Variants in EVI5 observed in about 807,000 individuals in gnomAD.
The protein encoded by EVI5 is ecotropic viral integration site 5, also known as ecotropic viral integration site 5 protein homolog.
In EVI5, 73 loss-of-function variants were observed where a neutral mutation model predicts 112.0. The ratio of observed to expected loss-of-function variants is 0.65; its 90% CI spans 0.54 to 0.79. The LOEUF is 0.79. Ranked by LOEUF, EVI5 falls within the 30% of genes least tolerant of loss-of-function variation. The pLI, the probability that EVI5 is intolerant of heterozygous loss-of-function variation, is 0.00. For missense variants in EVI5, 900 were observed against 968.8 expected, an observed-to-expected ratio of 0.93 and a Z score of 0.94; for synonymous variants, 305 against 319.9, an observed-to-expected ratio of 0.95 and a Z score of 0.50.
chr1:92,674,540 G>T (rs1204416148), intron 10 of EVI5, among the ~76,000 whole-genome samples: 1 of 152,140 alleles, frequency 6.6e-6, no homozygotes, highest in Non-Finnish European at 1.5e-5. Context: ...CTGTCAGGGG[G>T]TGGAGGGCTA....
intron 1 of EVI5, among the ~76,000 whole-genome samples, chr1:92,760,496 C>T (rs1295263779): frequency 1.3e-5 from 2 of 152,136 alleles, no homozygotes; most frequent in Non-Finnish European, 2.9e-5. Flanking sequence ...CACTGGGAGG[C>T]TGAGGCGGGA....
intron 18 of EVI5, among the ~76,000 whole-genome samples, chr1:92,602,588 G>T (rs1296285247): frequency 6.6e-6 from 1 of 152,020 alleles, no homozygotes; most frequent in Non-Finnish European, 1.5e-5. Flanking sequence ...AAATTGTTTT[G>T]TAGAGACAGG....
rs1663850466 is a variant in EVI5, at chr1:92,660,738, A to G, written c.1392+1981T>C. Among the ~76,000 whole-genome samples the G allele has an allele frequency of 4.6e-5, 7 of 152,030 alleles. 1 individual carries two copies. Among genetic ancestry groups the G allele is most frequent in the Admixed American group, 3.9e-4 (6 of 15,262 alleles). Reference sequence around the variant, plus strand: ...AGACATAAAAGTCACATACCTTACAATTCTATTTATTTGAAATTCTAGAAG... The same window carrying G: ...AGACATAAAAGTCACATACCTTACAGTTCTATTTATTTGAAATTCTAGAAG... On this transcript the variant is annotated intron_variant, in intron 13 of 19. Coordinates refer to ENST00000684568, the MANE Select transcript of EVI5 (RefSeq NM_001350197.2).
At chr1:92,536,584 C>T (rs1663941446) in intron 19 of EVI5, among the ~76,000 whole-genome samples, 1 of 152,100 alleles carries the variant, frequency 6.6e-6, no homozygotes, top group Non-Finnish European at 1.5e-5. Context: ...ATTAAGGATA[C>T]ATAAGTATTT....
intron 19 of EVI5, among the ~76,000 whole-genome samples, chr1:92,541,212 A>C (rs565950121): frequency 6.6e-6 from 1 of 152,364 alleles, no homozygotes; most frequent in South Asian, 2.1e-4. Context: ...AATATAGTGA[A>C]GAAAAATATT....
intron 16 of EVI5, among the ~76,000 whole-genome samples, chr1:92,610,848 A>C (rs1396726057): frequency 6.6e-6 from 1 of 152,140 alleles, no homozygotes; most frequent in Non-Finnish European, 1.5e-5. Context: ...AATTTTTTAC[A>C]ATTAAACCAA....
At chr1:92,553,637 T>C (rs1171774098) in intron 19 of EVI5, among the ~76,000 whole-genome samples, 1 of 152,056 alleles carries the variant, frequency 6.6e-6, no homozygotes, top group Non-Finnish European at 1.5e-5. Flanking sequence ...TTTTGCCATA[T>C]TGCCCAAGTT....
chr1:92,609,913 C>T (rs908986819), intron 16 of EVI5, among the ~76,000 whole-genome samples: 10 of 151,440 alleles, frequency 6.6e-5, no homozygotes, highest in African/African-American at 9.7e-5. Flanking sequence ...CTCACAGGAG[C>T]TTGCTCTGTT....
At chr1:92,697,691 T>G (rs1182000456) in intron 6 of EVI5, among the ~76,000 whole-genome samples, 169 bp downstream of exon 6, 1 of 152,210 alleles carries the variant, frequency 6.6e-6, no homozygotes, top group Middle Eastern at 3.2e-3. Context: ...CTACCTAATT[T>G]GAAGGGTCAA....
intron 13 of EVI5, 149 bp downstream of exon 13, chr1:92,662,570 T>C (rs1049462126): frequency 2.1e-5 from 9 of 437,514 alleles, no homozygotes; most frequent in Non-Finnish European, 3.0e-5. Context: ...CCCCTAAATA[T>C]CACAGAACAT....
intron 16 of EVI5, among the ~76,000 whole-genome samples, chr1:92,613,300 A>T (rs1413904879): frequency 1.3e-5 from 2 of 151,918 alleles, no homozygotes; most frequent in African/African-American, 4.8e-5. Context: ...TATTTATTTA[A>T]TTTATTTTTT....
chr1:92,642,363 C>T (rs911196605), intron 13 of EVI5, among the ~76,000 whole-genome samples: 10 of 152,108 alleles, frequency 6.6e-5, no homozygotes, highest in African/African-American at 2.4e-4. Flanking sequence ...AACATTTTAT[C>T]TTTAGACTAA....
intron 1 of EVI5, among the ~76,000 whole-genome samples, chr1:92,746,917 T>A (rs369429417): frequency 3.3e-5 from 5 of 149,640 alleles, no homozygotes; most frequent in Non-Finnish European, 5.9e-5. Flanking sequence ...AAAGTTTTTT[T>A]AAAAAAGAAG....
intron 1 of EVI5, among the ~76,000 whole-genome samples, chr1:92,747,487 G>A (rs765064865): frequency 6.6e-6 from 1 of 152,042 alleles, no homozygotes; most frequent in Admixed American, 6.6e-5. Context: ...GCCGAGGTAG[G>A]TGGATCACTT....
chr1:92,662,884 T>C lies in EVI5; in HGVS notation c.1246-19A>G. Reference sequence around the variant, plus strand: ...CTTGTCCCTTAGGACATAATTTTTGTGTGTGTAAAGCAATTTAGGATAGAT... The same window carrying C: ...CTTGTCCCTTAGGACATAATTTTTGCGTGTGTAAAGCAATTTAGGATAGAT... On this transcript the variant is annotated intron_variant, in intron 12 of 19. Coordinates refer to ENST00000684568, the MANE Select transcript of EVI5 (RefSeq NM_001350197.2). 7.9e-7 allele frequency: 1 copy of C among 1,269,416 alleles called. No individual in the cohort carries two copies. The highest frequency in any genetic ancestry group is 1.0e-6 in the Non-Finnish European group (1 of 981,114). 78.6% of individuals were successfully genotyped at this position (1,269,416 alleles called of 1,614,324 possible). A position where few individuals can be genotyped will look rare whatever the true frequency, so the allele number is the denominator to read the frequency against.
At chr1:92,767,663 T>C (rs948358610) in intron 1 of EVI5, among the ~76,000 whole-genome samples, 7 of 152,238 alleles carry the variant, frequency 4.6e-5, no homozygotes, top group South Asian at 4.1e-4. Flanking sequence ...CCATGTTCTA[T>C]TAACAAGATG....
intron 2 of EVI5, among the ~76,000 whole-genome samples, chr1:92,721,499 G>A (rs1204199948): frequency 6.6e-6 from 1 of 152,094 alleles, no homozygotes; most frequent in Non-Finnish European, 1.5e-5. Context: ...GACACAGGGA[G>A]GGAAACATCA....
chr1:92,703,060 G>C (rs1476277572), intron 4 of EVI5, among the ~76,000 whole-genome samples: 1 of 152,062 alleles, frequency 6.6e-6, no homozygotes, highest in East Asian at 1.9e-4. Context: ...CTCACTGTAG[G>C]AACACAGATA....
rs1659125815 is a variant in EVI5 at position 92,510,524 on chromosome 1, T to C, written c.*3132A>G. The C allele has an allele frequency of 6.6e-6, 1 of 152,228 alleles. No homozygotes were observed. The highest frequency in any genetic ancestry group is 2.4e-5 in the African/African-American group (1 of 41,460). 9.4% of individuals were successfully genotyped at this position (152,228 alleles called of 1,614,324 possible). ...AAGCTTAATAGCAAAAGCAAACAAT[T>C]TGACCTACCACTGAGCTAAATTGAA... On this transcript the variant is annotated 3_prime_UTR_variant, in exon 20 of 20. Coordinates refer to ENST00000684568, the MANE Select transcript of EVI5 (RefSeq NM_001350197.2).
Sources: allele counts gnomAD v4.1 joint callset (sites outside exome capture counted in the v4.1 genomes callset), GRCh38; gene constraint gnomAD v4.1.1; transcripts MANE v1.5; gene names NCBI Gene and HGNC (gene_info 2026-07-23, HGNC 2026-07-21).